The following LRP1B variants were observed in gnomAD, a reference collection of about 807,000 sequenced individuals.
LRP1B encodes LDL receptor related protein 1B, also known as low-density lipoprotein receptor-related protein 1B.
A neutral mutation model predicts 556.6 loss-of-function variants in LRP1B; 217 were observed. The observed-to-expected ratio is 0.39, with a 90% confidence interval of 0.35 to 0.44. The LOEUF is 0.44. Ranked by LOEUF, LRP1B falls within the 20% of genes least tolerant of loss-of-function variation. The pLI is 1.00. For synonymous variants in LRP1B, 2,047 were observed against 1,865.8 expected (o/e 1.10, Z -2.50); for missense variants, 5,053 against 5,620.8 (o/e 0.90, Z 3.23).
chr2:140,606,799 A>T (rs1682883278), intron 41 of LRP1B, among the ~76,000 whole-genome samples: 1 of 152,016 alleles, frequency 6.6e-6, no homozygotes, highest in Non-Finnish European at 1.5e-5. Context: ...ACCCACACAT[A>T]TAACTAAAAA....
intron 32 of LRP1B, among the ~76,000 whole-genome samples, chr2:140,811,759 A>C (rs564700626): frequency 6.6e-6 from 1 of 152,242 alleles, no homozygotes; most frequent in East Asian, 1.9e-4. Flanking sequence ...TGTTTTTTAA[A>C]AAAAGTCATC....
intron 43 of LRP1B, among the ~76,000 whole-genome samples, chr2:140,546,774 A>G (rs771740375): frequency 6.6e-6 from 1 of 152,128 alleles, no homozygotes; most frequent in African/African-American, 2.4e-5. Context: ...GCTTTTGCCT[A>G]TTCAGTATGA....
chr2:140,423,096 C>T (rs1255895321), intron 66 of LRP1B, among the ~76,000 whole-genome samples: 4 of 152,126 alleles, frequency 2.6e-5, no homozygotes, highest in Non-Finnish European at 4.4e-5. Context: ...ATGAAAAAAG[C>T]TCTGGAATTT....
chr2:140,566,393 G>A (rs567784506), intron 43 of LRP1B, among the ~76,000 whole-genome samples: 1 of 152,150 alleles, frequency 6.6e-6, no homozygotes, highest in African/African-American at 2.4e-5. Context: ...TGGAGCTAAA[G>A]TTGTTCACCT....
chr2:141,657,743 TTG>T (rs1266795918), intron 2 of LRP1B, among the ~76,000 whole-genome samples: 1 of 152,188 alleles, frequency 6.6e-6, no homozygotes, highest in Non-Finnish European at 1.5e-5. Context: ...ATCTGTGTGA[TTG>T]TGTTTATGTT....
At chr2:141,347,256 C>T (rs542751056) in intron 3 of LRP1B, among the ~76,000 whole-genome samples, 138 of 151,926 alleles carry the variant, frequency 9.1e-4, no homozygotes, top group African/African-American at 3.1e-3. Context: ...AAAAATTTTC[C>T]AGTTTATTTG....
chr2:140,419,063 C>T (rs113712216), intron 66 of LRP1B, among the ~76,000 whole-genome samples: 2,082 of 152,194 alleles, frequency 0.014, 49 homozygotes, highest in African/African-American at 0.048. Flanking sequence ...CACATCACTG[C>T]TATTTAGGGA....
intron 22 of LRP1B, among the ~76,000 whole-genome samples, chr2:140,906,136 T>A (rs985676550): frequency 6.6e-6 from 1 of 152,156 alleles, no homozygotes. Context: ...TAGTTCAATA[T>A]GCCACAATGC....
intron 49 of LRP1B, among the ~76,000 whole-genome samples, chr2:140,519,673 C>A (rs1447281895): frequency 1.3e-5 from 2 of 152,102 alleles, no homozygotes; most frequent in Non-Finnish European, 1.5e-5. Context: ...AGTGAACAGG[C>A]AACCTACAGA....
intron 7 of LRP1B, among the ~76,000 whole-genome samples, chr2:141,184,538 A>G (rs1422263035): frequency 2.6e-5 from 4 of 151,626 alleles, no homozygotes; most frequent in Admixed American, 2.0e-4. Flanking sequence ...GTTGATTATC[A>G]TTAGATTATA....
At chr2:141,922,272 C>T (rs1362706236) in intron 1 of LRP1B, among the ~76,000 whole-genome samples, 1 of 152,138 alleles carries the variant, frequency 6.6e-6, no homozygotes, top group African/African-American at 2.4e-5. Context: ...CAGAACTCGC[C>T]ATGTAAGCCC....
chr2:141,862,593 G>C (rs1398690265), intron 1 of LRP1B, among the ~76,000 whole-genome samples: 1 of 152,120 alleles, frequency 6.6e-6, no homozygotes, highest in African/African-American at 2.4e-5. Flanking sequence ...GTTTTTAGTA[G>C]AGACGGGGTT....
chr2:140,890,864 T>C (rs1693776802), intron 23 of LRP1B, among the ~76,000 whole-genome samples: 1 of 152,080 alleles, frequency 6.6e-6, no homozygotes, highest in African/African-American at 2.4e-5. Context: ...TATTTGGAGA[T>C]AAAATAAATG....
Position 140,332,687 on chromosome 2 carries a change from C to T in LRP1B, c.12223+1766G>A, listed in dbSNP as rs187152152. On this transcript the variant is annotated intron_variant, in intron 79 of 90. Transcript: ENST00000389484. The stretch of plus-strand genomic sequence containing the variant: ...TTTATACTCCAAATAGTGGCTCAAA[C>T]CAAGACTAGCCTCGACCTGAAACAC... 5.3e-5 allele frequency among the ~76,000 whole-genome samples: 8 copies of T among 152,142 alleles called. No individual in the cohort carries two copies. In the East Asian group the frequency reaches 1.6e-3, roughly 30 times the overall value.
chr2:140,721,093 G>A (rs1687383660), intron 35 of LRP1B, among the ~76,000 whole-genome samples: 1 of 152,012 alleles, frequency 6.6e-6, no homozygotes, highest in Non-Finnish European at 1.5e-5. Context: ...ATAACAGAAG[G>A]CAGAATTTAG....
At chr2:140,628,375 CA>C (rs896696324) in intron 41 of LRP1B, among the ~76,000 whole-genome samples, 3 of 151,214 alleles carry the variant, frequency 2.0e-5, no homozygotes, top group African/African-American at 7.3e-5. Flanking sequence ...TAAAAACACA[CA>C]AAAAAAATAA....
At chr2:141,687,154 T>C (rs1691343391) in intron 2 of LRP1B, among the ~76,000 whole-genome samples, 1 of 152,030 alleles carries the variant, frequency 6.6e-6, no homozygotes, top group Non-Finnish European at 1.5e-5. Context: ...TGTCCTAACG[T>C]TCATTTTGAG....
chr2:141,426,403 A>C (rs1320437858), intron 3 of LRP1B, among the ~76,000 whole-genome samples: 2 of 152,200 alleles, frequency 1.3e-5, no homozygotes, highest in African/African-American at 2.4e-5. Flanking sequence ...AAGTATAAAA[A>C]TTTTAACTGA....
At chr2:141,544,295 A>T (rs553199341) in intron 2 of LRP1B, among the ~76,000 whole-genome samples, 44 of 43,762 alleles carry the variant, frequency 1.0e-3, no homozygotes, top group Non-Finnish European at 2.0e-3. Context: ...GAAATTTACC[A>T]CTCTTCTTCT....
Sources: gnomAD v4.1 joint callset for allele counts (sites outside exome capture counted in the v4.1 genomes callset) on GRCh38, gnomAD v4.1.1 for gene constraint, MANE v1.5 for transcripts, NCBI Gene and HGNC (gene_info 2026-07-23, HGNC 2026-07-21) for gene names.